The following COL28A1 variants were observed in gnomAD, a reference collection of about 807,000 sequenced individuals.
COL28A1 encodes the protein collagen alpha-1(XXVIII) chain.
COL28A1 carries 161 observed loss-of-function variants against 150.2 expected under a neutral mutation model. That is an observed-to-expected ratio of 1.07 (90% CI 0.94 to 1.22). The LOEUF is 1.22. Ranked by LOEUF, COL28A1 falls within the 50% of genes most tolerant of loss-of-function variation. COL28A1 has a pLI of 0.00. For synonymous variants in COL28A1, 552 were observed against 469.7 expected, an observed-to-expected ratio of 1.18 and a Z score of -2.26; for missense variants, 1,617 against 1,388.3, an observed-to-expected ratio of 1.16 and a Z score of -2.62.
At chr7:7,483,355 T>C (rs1055291909) in intron 13 of COL28A1, among the ~76,000 whole-genome samples, 1 of 152,220 alleles carries the variant, frequency 6.6e-6, no homozygotes, top group African/African-American at 2.4e-5. Flanking sequence ...CATCTGTATA[T>C]ATTCAATGAA....
chr7:7,386,094 A>G (rs1400667581), intron 27 of COL28A1, among the ~76,000 whole-genome samples: 1 of 152,216 alleles, frequency 6.6e-6, no homozygotes, highest in African/African-American at 2.4e-5. Context: ...TAATCACTAT[A>G]TCACCACATT....
At chr7:7,362,848 T>C (rs908959337) in intron 33 of COL28A1, among the ~76,000 whole-genome samples, 1 of 152,152 alleles carries the variant, frequency 6.6e-6, no homozygotes, top group East Asian at 1.9e-4. Context: ...GAAAACTTTC[T>C]TGGTCCCTTA....
At chr7:7,496,190 A>C (rs1048125113) in intron 11 of COL28A1, among the ~76,000 whole-genome samples, 7 of 152,192 alleles carry the variant, frequency 4.6e-5, no homozygotes, top group African/African-American at 1.4e-4. Flanking sequence ...ATTCATTACA[A>C]GTTGCAACTT....
chr7:7,445,084 C>T (rs915751416), intron 18 of COL28A1, among the ~76,000 whole-genome samples: 1 of 152,150 alleles, frequency 6.6e-6, no homozygotes, highest in Admixed American at 6.5e-5. Context: ...TGTAAGTTTC[C>T]TGAGGCCTCC....
At chr7:7,377,004 G>A (rs1401111571) in intron 30 of COL28A1, among the ~76,000 whole-genome samples, 2 of 152,084 alleles carry the variant, frequency 1.3e-5, no homozygotes, top group African/African-American at 4.8e-5. Flanking sequence ...ATCTCTCATT[G>A]TTTTAAATTA....
At chr7:7,338,792 T>C in the COL28A1 span, among the ~76,000 whole-genome samples, 1 of 152,152 alleles carries the variant, frequency 6.6e-6, no homozygotes, top group Non-Finnish European at 1.5e-5. Flanking sequence ...TCCCCTTCTC[T>C]TTAAGCTGAA....
intron 4 of COL28A1, 145 bp from the exon 5 acceptor site, chr7:7,522,106 C>T (rs1318957454): frequency 4.3e-6 from 3 of 694,660 alleles, no homozygotes; most frequent in African/African-American, 1.8e-5. Flanking sequence ...ATATAACCAA[C>T]TGGAGCACTC....
intron 31 of COL28A1, 119 bp downstream of exon 31, chr7:7,375,342 G>C (rs1234538418): frequency 2.2e-6 from 2 of 919,462 alleles, no homozygotes; most frequent in African/African-American, 3.4e-5. Flanking sequence ...TTTCAAATGA[G>C]CTTCACATTT....
intron 3 of COL28A1, 67 bp from the exon 4 acceptor site, chr7:7,524,316 A>G: frequency 2.3e-6 from 2 of 886,484 alleles, no homozygotes; most frequent in South Asian, 1.3e-5. Flanking sequence ...CTTATTAGTC[A>G]TAACTATTCC....
chr7:7,450,923 A>G (rs970506846), intron 18 of COL28A1, among the ~76,000 whole-genome samples: 5 of 152,210 alleles, frequency 3.3e-5, no homozygotes, highest in Admixed American at 3.3e-4. Context: ...GCAGAATGAT[A>G]TATCATGTAA....
chr7:7,515,887 G>C (rs903668524), intron 7 of COL28A1, 47 bp from the exon 8 acceptor site: 1 of 829,432 alleles, frequency 1.2e-6, no homozygotes, highest in African/African-American at 1.7e-5. Context: ...CTCTGAGGCA[G>C]AATTAGAATA....
chr7:7,533,562 T>C (rs1465650734), intron 1 of COL28A1, among the ~76,000 whole-genome samples: 1 of 152,082 alleles, frequency 6.6e-6, no homozygotes, highest in Non-Finnish European at 1.5e-5. Context: ...GCAAAAATAA[T>C]AGATTTGCTT....
At position 7,470,692 on chromosome 7, in the gene COL28A1, C is replaced by A. The variant is rs1235616411; in HGVS notation, c.1302+3909G>T. Among the ~76,000 whole-genome samples, 9 of 87,912 alleles carry A rather than the reference C, an allele frequency of 1.0e-4. 1 individual carries two copies. The highest frequency in any genetic ancestry group is 2.1e-5 in the Non-Finnish European group (1 of 48,430). 57.7% of individuals were successfully genotyped at this position (87,912 alleles called of 152,430 possible). Reference sequence around the variant, plus strand: ...TTTATTGCGGCACTATTCACAATAGCAAAGACTTGGAACCAACCCAAATGT... The same window carrying A: ...TTTATTGCGGCACTATTCACAATAGAAAAGACTTGGAACCAACCCAAATGT... On this transcript the variant is annotated intron_variant, in intron 15 of 34. Transcript: ENST00000399429.
intron 15 of COL28A1, among the ~76,000 whole-genome samples, chr7:7,464,854 A>C (rs1183409731): frequency 6.6e-6 from 1 of 152,206 alleles, no homozygotes; most frequent in Non-Finnish European, 1.5e-5. Context: ...AATGAAACAA[A>C]AACTGGTTCT....
chr7:7,496,304 C>G (rs1780206738), intron 11 of COL28A1, among the ~76,000 whole-genome samples: 1 of 152,144 alleles, frequency 6.6e-6, no homozygotes, highest in African/African-American at 2.4e-5. Flanking sequence ...CTATAATTCA[C>G]TCAATCATCC....
Position 7,508,824 on chromosome 7 carries a change from G to A in COL28A1, c.928-1663C>T, listed in dbSNP as rs183357344. On this transcript the variant is annotated intron_variant, in intron 9 of 34. Transcript: ENST00000399429. ...CACACTGGTGATATAATACCTTATTGTTTTATTGTTGGTTTTGTTTTGTTT... is the reference window on the plus strand; with the variant it reads ...CACACTGGTGATATAATACCTTATTATTTTATTGTTGGTTTTGTTTTGTTT... Among the ~76,000 whole-genome samples the A allele has an allele frequency of 2.3e-4, 35 of 151,432 alleles. No homozygotes were observed. In the East Asian group the frequency reaches 6.1e-3, roughly 26 times the overall value.
At chr7:7,372,398 A>T (rs374869763) in intron 32 of COL28A1, among the ~76,000 whole-genome samples, 2 of 133,660 alleles carry the variant, frequency 1.5e-5, no homozygotes, top group Admixed American at 1.5e-4. Context: ...ACTCCGTCTC[A>T]AAATAAATAA....
At chr7:7,531,248 T>C (rs1391649186) in intron 3 of COL28A1, 100 bp downstream of exon 3, 7 of 548,744 alleles carry the variant, frequency 1.3e-5, no homozygotes, top group Non-Finnish European at 2.3e-5. Flanking sequence ...TAACTCTCAT[T>C]TTCTCCATCT....
chr7:7,460,384 G>T (rs1376283846), intron 15 of COL28A1, among the ~76,000 whole-genome samples: 2 of 151,348 alleles, frequency 1.3e-5, no homozygotes, highest in African/African-American at 4.8e-5. Context: ...AATGTTTTTT[G>T]TTGTTTTTTT....
Sources: allele counts gnomAD v4.1 joint callset (sites outside exome capture counted in the v4.1 genomes callset), GRCh38; gene constraint gnomAD v4.1.1; transcripts MANE v1.5; gene names NCBI Gene and HGNC (gene_info 2026-07-23, HGNC 2026-07-21).